Variants in MAPK10 observed in about 807,000 individuals in gnomAD.
MAPK10 encodes JNK3 alpha protein kinase.
MAPK10 carries 25 observed loss-of-function variants against 59.3 expected under a neutral mutation model. That is an observed-to-expected ratio of 0.42 (90% CI 0.31 to 0.59). MAPK10 has a LOEUF of 0.59. Ranked by LOEUF, MAPK10 falls within the 20% of genes least tolerant of loss-of-function variation. The pLI is 0.15. For synonymous variants in MAPK10, 190 were observed against 200.5 expected (o/e 0.95, Z 0.44); for missense variants, 351 against 568.9 (o/e 0.62, Z 3.90).
intron 2 of MAPK10, among the ~76,000 whole-genome samples, chr4:86,208,111 CAA>C (rs770511268): frequency 2.2e-4 from 34 of 151,968 alleles, no homozygotes; most frequent in Admixed American, 3.9e-4. Context: ...GCTTACCAAC[CAA>C]AAAATTCCAG....
intron 1 of MAPK10, among the ~76,000 whole-genome samples, chr4:86,391,153 A>G (rs2149008859): frequency 6.6e-6 from 1 of 152,336 alleles, no homozygotes; most frequent in Non-Finnish European, 1.5e-5. Context: ...TTTACATTCA[A>G]TCCTAGTTGT....
intron 12 of MAPK10, among the ~76,000 whole-genome samples, 193 bp from the exon 13 acceptor site, chr4:86,029,467 C>T (rs1406678426): frequency 1.3e-5 from 2 of 152,018 alleles, no homozygotes; most frequent in African/African-American, 4.8e-5. Flanking sequence ...AAATAGGTAT[C>T]TAGTAAAGCA....
intron 9 of MAPK10, among the ~76,000 whole-genome samples, chr4:86,088,788 G>C (rs1218324980): frequency 6.6e-6 from 1 of 152,080 alleles, no homozygotes; most frequent in East Asian, 1.9e-4. Flanking sequence ...ACATGAATCT[G>C]ATAAAAATTT....
chr4:86,560,889 G>A (rs1434310446), intron 1 of MAPK10, among the ~76,000 whole-genome samples: 1 of 152,226 alleles, frequency 6.6e-6, no homozygotes, highest in Non-Finnish European at 1.5e-5. Context: ...AATGAAGCGT[G>A]TTTGCCACTA....
At chr4:86,578,102 G>C (rs1022014926) in intron 1 of MAPK10, among the ~76,000 whole-genome samples, 1 of 152,114 alleles carries the variant, frequency 6.6e-6, no homozygotes, top group Non-Finnish European at 1.5e-5. Flanking sequence ...ATTTCCCCAA[G>C]ATCAGTGGTT....
intron 1 of MAPK10, among the ~76,000 whole-genome samples, chr4:86,522,782 C>A (rs943303348): frequency 6.6e-6 from 1 of 152,170 alleles, no homozygotes; most frequent in African/African-American, 2.4e-5. Context: ...TTATTTGATT[C>A]ATGCACCTGT....
At chr4:86,588,599 A>T (rs1464808819) in intron 1 of MAPK10, among the ~76,000 whole-genome samples, 1 of 152,174 alleles carries the variant, frequency 6.6e-6, no homozygotes, top group African/African-American at 2.4e-5. Flanking sequence ...ACAATAAGGC[A>T]ATGAATATCC....
chr4:86,028,877 G>A (rs1279278904), intron 13 of MAPK10: 1 of 366,108 alleles, frequency 2.7e-6, no homozygotes, highest in Non-Finnish European at 5.2e-6. Flanking sequence ...TGACTTGATG[G>A]TCAAAAGGGC....
chr4:86,201,227 A>G (rs2082551454), intron 2 of MAPK10, among the ~76,000 whole-genome samples: 1 of 151,898 alleles, frequency 6.6e-6, no homozygotes, highest in African/African-American at 2.4e-5. Context: ...TGTATGTACC[A>G]CAGTTTATTT....
chr4:86,220,791 CA>C (rs2089310020), intron 2 of MAPK10, among the ~76,000 whole-genome samples: 1 of 151,404 alleles, frequency 6.6e-6, no homozygotes, highest in South Asian at 2.1e-4. Context: ...TGGATCAAGG[CA>C]AAGGGCAAAA....
intron 1 of MAPK10, among the ~76,000 whole-genome samples, chr4:86,408,704 G>C (rs1744713452): frequency 6.6e-6 from 1 of 152,260 alleles, no homozygotes; most frequent in African/African-American, 2.4e-5. Context: ...GTCTTCTTTT[G>C]AGAAGTGTCT....
chr4:86,428,128 T>G (rs1002225848), intron 1 of MAPK10, among the ~76,000 whole-genome samples: 1 of 150,896 alleles, frequency 6.6e-6, no homozygotes, highest in African/African-American at 2.4e-5. Flanking sequence ...CAGATTGGTG[T>G]TTTCAAAGTT....
chr4:86,156,159 A>G (rs576393504), intron 4 of MAPK10, among the ~76,000 whole-genome samples: 4 of 152,218 alleles, frequency 2.6e-5, no homozygotes, highest in African/African-American at 9.6e-5. Flanking sequence ...GTACGTATAC[A>G]TATACATGGA....
intron 1 of MAPK10, among the ~76,000 whole-genome samples, chr4:86,451,342 T>C (rs1750695162): frequency 6.6e-6 from 1 of 152,114 alleles, no homozygotes. Context: ...TAGAGTAAAA[T>C]ATATATTCTG....
At chr4:86,022,502 T>G (rs902643447) in intron 13 of MAPK10, among the ~76,000 whole-genome samples, 14 of 152,000 alleles carry the variant, frequency 9.2e-5, no homozygotes, top group Non-Finnish European at 2.9e-5. Context: ...TTTCTTGCTT[T>G]CTTTCTTCTT....
chr4:86,123,606 A>T (rs1475208085), intron 4 of MAPK10: 2 of 152,114 alleles, frequency 1.3e-5, no homozygotes, highest in African/African-American at 4.8e-5. Context: ...ACTACCGAAA[A>T]GCATGGATAC....
upstream of MAPK10, among the ~76,000 whole-genome samples, chr4:86,457,233 C>G (rs1313745378): frequency 6.6e-6 from 1 of 152,194 alleles, no homozygotes; most frequent in Non-Finnish European, 1.5e-5. Context: ...AGCATTCTGT[C>G]TGAGAACTGG....
intron 1 of MAPK10, among the ~76,000 whole-genome samples, chr4:86,416,790 A>G (rs967633851): frequency 8.5e-5 from 13 of 152,196 alleles, no homozygotes; most frequent in African/African-American, 2.7e-4. Flanking sequence ...CATTCTTCTT[A>G]AGAAATAAAT....
chr4:86,107,808 CTT>C (rs1327079711), intron 4 of MAPK10, among the ~76,000 whole-genome samples: 1 of 151,714 alleles, frequency 6.6e-6, no homozygotes, highest in African/African-American at 2.4e-5. Context: ...TTTCATTGTT[CTT>C]TGTTTGTTTT....
Sources: gnomAD v4.1 joint callset for allele counts (sites outside exome capture counted in the v4.1 genomes callset) on GRCh38, gnomAD v4.1.1 for gene constraint, MANE v1.5 for transcripts, NCBI Gene and HGNC (gene_info 2026-07-23, HGNC 2026-07-21) for gene names.